The following GPC5 variants were observed in gnomAD, a reference collection of about 807,000 sequenced individuals.
GPC5 encodes the protein glypican-5.
A neutral mutation model predicts 53.9 loss-of-function variants in GPC5; 47 were observed. The ratio of observed to expected loss-of-function variants is 0.87; its 90% CI spans 0.69 to 1.11. The LOEUF (loss-of-function observed/expected upper bound fraction) is 1.11, where lower values mean the gene tolerates loss of function less well. Among genes scored for constraint, GPC5 ranks in the 50% most tolerant of loss-of-function variants. The pLI is 0.00. For synonymous variants in GPC5, 286 were observed against 263.3 expected (o/e 1.09, Z -0.84); for missense variants, 748 against 713.1 (o/e 1.05, Z -0.56).
intron 7 of GPC5, among the ~76,000 whole-genome samples, chr13:92,607,584 A>G (rs1884296560): frequency 6.6e-6 from 1 of 152,194 alleles, no homozygotes; most frequent in Admixed American, 6.5e-5. Context: ...CCAACACAGT[A>G]GAGCCTCAAA....
intron 7 of GPC5, among the ~76,000 whole-genome samples, chr13:92,655,949 G>A (rs1886120385): frequency 6.6e-6 from 1 of 152,090 alleles, no homozygotes. Context: ...AGCAAACACT[G>A]TATTAGGTTC....
chr13:91,797,293 C>T (rs1352528078), intron 5 of GPC5, among the ~76,000 whole-genome samples: 3 of 151,930 alleles, frequency 2.0e-5, no homozygotes, highest in Non-Finnish European at 4.4e-5. Flanking sequence ...TGGCAAATAC[C>T]GTGTTAAAGT....
chr13:92,477,445 C>G (rs1174794311), intron 7 of GPC5, among the ~76,000 whole-genome samples: 1 of 152,106 alleles, frequency 6.6e-6, no homozygotes, highest in Non-Finnish European at 1.5e-5. Flanking sequence ...TAGTAAACTT[C>G]CTGTTTGGCA....
intron 5 of GPC5, among the ~76,000 whole-genome samples, chr13:91,815,373 C>G (rs1169430628): frequency 6.6e-6 from 1 of 151,892 alleles, no homozygotes; most frequent in Non-Finnish European, 1.5e-5. Context: ...GAGACCACAG[C>G]CAACCAGAAC....
intron 2 of GPC5, among the ~76,000 whole-genome samples, chr13:91,665,291 A>G (rs1165325289): frequency 1.3e-5 from 2 of 152,116 alleles, no homozygotes; most frequent in African/African-American, 2.4e-5. Flanking sequence ...GTACTTCTTT[A>G]TGTGTATCAG....
At chr13:91,768,849 G>A (rs536217445) in intron 5 of GPC5, among the ~76,000 whole-genome samples, 22 of 152,272 alleles carry the variant, frequency 1.4e-4, no homozygotes, top group South Asian at 4.1e-4. Context: ...GAAATCATGC[G>A]TCTCAAATTA....
chr13:92,464,728 ATTACT>A (rs1333476553), intron 7 of GPC5, among the ~76,000 whole-genome samples: 53 of 152,150 alleles, frequency 3.5e-4, no homozygotes, highest in Non-Finnish European at 2.9e-5. Flanking sequence ...ACTTTCAAAA[ATTACT>A]TTAAAGCATG....
intron 7 of GPC5, among the ~76,000 whole-genome samples, chr13:92,193,166 C>G (rs2042235182): frequency 9.7e-6 from 1 of 103,626 alleles, no homozygotes; most frequent in Non-Finnish European, 1.9e-5. Flanking sequence ...CAGAGCGAGA[C>G]TCTGTCTCAA....
chr13:92,323,317 T>C (rs1023148272), intron 7 of GPC5, among the ~76,000 whole-genome samples: 1 of 147,854 alleles, frequency 6.8e-6, no homozygotes, highest in Non-Finnish European at 1.5e-5. Context: ...AACGTATATA[T>C]ATACAACATA....
chr13:92,579,248 TC>T (rs1566302605), intron 7 of GPC5, among the ~76,000 whole-genome samples: 1 of 22,038 alleles, frequency 4.5e-5, no homozygotes, highest in Non-Finnish European at 8.9e-5. Context: ...GCTCTCTCCC[TC>T]CCTCCCTCCC....
chr13:92,635,783 G>C (rs1393236101), intron 7 of GPC5, among the ~76,000 whole-genome samples: 1 of 152,204 alleles, frequency 6.6e-6, no homozygotes, highest in African/African-American at 2.4e-5. Context: ...TCTTTACCAG[G>C]CTTAACGCCT....
At chr13:92,152,158 T>A (rs945634317) in intron 7 of GPC5, among the ~76,000 whole-genome samples, 2 of 152,220 alleles carry the variant, frequency 1.3e-5, no homozygotes, top group Non-Finnish European at 2.9e-5. Context: ...CAAGTGGAGT[T>A]TGTATTTAAT....
At chr13:92,188,924 T>C (rs563053646) in intron 7 of GPC5, among the ~76,000 whole-genome samples, 2 of 152,316 alleles carry the variant, frequency 1.3e-5, no homozygotes, top group Non-Finnish European at 2.9e-5. Flanking sequence ...AGGCAATCAC[T>C]GCCCTAAAAC....
chr13:91,584,769 AG>A lies in GPC5; in HGVS notation c.326-108415del, dbSNP rs563479463. On this transcript the variant is annotated intron_variant, in intron 2 of 7. Coordinates refer to ENST00000377067, the MANE Select transcript of GPC5 (RefSeq NM_004466.6). ...TAATTTTTATATTTTTAGTAGAGACAGGGTTTCACAATGTTGGCCAGGCTGG... is the reference window on the plus strand; with the variant it reads ...TAATTTTTATATTTTTAGTAGAGACAGGTTTCACAATGTTGGCCAGGCTGG... Among the ~76,000 whole-genome samples the A allele has an allele frequency of 1.4e-4, 21 of 152,176 alleles. 1 individual carries two copies. The South Asian group carries it at 3.9e-3, about 29-fold the overall frequency.
At chr13:91,437,270 T>A (rs1196338168) in intron 1 of GPC5, among the ~76,000 whole-genome samples, 5 of 152,238 alleles carry the variant, frequency 3.3e-5, no homozygotes, top group Admixed American at 3.3e-4. Context: ...TTGATGCAGT[T>A]TCTTCCTAGC....
intron 6 of GPC5, among the ~76,000 whole-genome samples, chr13:92,053,312 G>A (rs544666879): frequency 3.3e-5 from 5 of 152,222 alleles, no homozygotes; most frequent in East Asian, 3.9e-4. Flanking sequence ...ATCTCCCACC[G>A]ACGTCAAAGT....
chr13:92,776,176 G>A (rs1424661445), intron 7 of GPC5, among the ~76,000 whole-genome samples: 2 of 152,170 alleles, frequency 1.3e-5, no homozygotes, highest in African/African-American at 2.4e-5. Flanking sequence ...CCAGTTTGTA[G>A]AGGTCACTTG....
At chr13:92,358,987 C>G (rs1314982776) in intron 7 of GPC5, among the ~76,000 whole-genome samples, 1 of 151,780 alleles carries the variant, frequency 6.6e-6, no homozygotes, top group Admixed American at 6.6e-5. Flanking sequence ...AATTCTTCCC[C>G]TGAATGTGGG....
chr13:91,707,825 AAT>A (rs142168946), intron 3 of GPC5, among the ~76,000 whole-genome samples: 1 of 151,568 alleles, frequency 6.6e-6, no homozygotes, highest in Non-Finnish European at 1.5e-5. Flanking sequence ...AAGATAACAT[AAT>A]ATATATATAT....
Sources: allele counts gnomAD v4.1 joint callset (sites outside exome capture counted in the v4.1 genomes callset), GRCh38; gene constraint gnomAD v4.1.1; transcripts MANE v1.5; gene names NCBI Gene and HGNC (gene_info 2026-07-23, HGNC 2026-07-21).